The following NPAS2 variants were observed in gnomAD, a reference collection of about 807,000 sequenced individuals.
The protein encoded by NPAS2 is neuronal PAS domain protein 2, also known as neuronal PAS domain-containing protein 2.
Under a neutral mutation model 107.5 loss-of-function variants are expected in NPAS2, and 23 were observed. That is an observed-to-expected ratio of 0.21 (90% CI 0.15 to 0.30). The LOEUF is 0.30. NPAS2 is among the 10% of genes least tolerant of loss of function. NPAS2 has a pLI of 1.00. For synonymous variants in NPAS2, 403 were observed against 417.5 expected (o/e 0.97, Z 0.42); for missense variants, 756 against 1,043.3 (o/e 0.72, Z 3.79).
At chr2:100,840,054 A>G (rs951340416) in intron 1 of NPAS2, among the ~76,000 whole-genome samples, 1 of 152,140 alleles carries the variant, frequency 6.6e-6, no homozygotes, top group African/African-American at 2.4e-5. Context: ...TGTTAGTGGC[A>G]TTACTCCGTT....
intron 7 of NPAS2, among the ~76,000 whole-genome samples, chr2:100,954,816 G>T (rs980314850): frequency 6.7e-6 from 1 of 148,964 alleles, no homozygotes; most frequent in Non-Finnish European, 1.5e-5. Flanking sequence ...ATAATAATAG[G>T]TAATATGTGT....
At chr2:100,937,212 T>C (rs1016598973) in intron 4 of NPAS2, among the ~76,000 whole-genome samples, 6 of 152,154 alleles carry the variant, frequency 3.9e-5, no homozygotes, top group African/African-American at 1.4e-4. Context: ...AATGTGAATG[T>C]TCTTTACAAA....
At chr2:100,940,231 G>A (rs1292105291) in intron 5 of NPAS2, among the ~76,000 whole-genome samples, 1 of 152,212 alleles carries the variant, frequency 6.6e-6, no homozygotes. Context: ...GGCCCAGGCA[G>A]TGAGAGGCAC....
At chr2:100,990,158 C>G in intron 17 of NPAS2, 98 bp from the exon 18 acceptor site, 2 of 1,054,828 alleles carry the variant, frequency 1.9e-6, no homozygotes, top group Non-Finnish European at 2.9e-6. Flanking sequence ...AGAGGAAAGG[C>G]AAGGGTAGGT....
At chr2:100,850,011 T>TAAAAAAA (rs58359292) in intron 1 of NPAS2, among the ~76,000 whole-genome samples, 52 of 56,194 alleles carry the variant, frequency 9.3e-4, no homozygotes, top group African/African-American at 3.9e-3. Context: ...ACTCTTTTTG[T>TAAAAAAA]AAAAAAAAAA....
chr2:100,822,870 T>A (rs1033874970), intron 1 of NPAS2: 1 of 152,234 alleles, frequency 6.6e-6, no homozygotes, highest in African/African-American at 2.4e-5. Flanking sequence ...GCCAACGGTT[T>A]AATTGGCTGC....
rs1676156805 is a variant in NPAS2, at chr2:100,965,407, C to T, written c.801-253C>T. Among the ~76,000 whole-genome samples the T allele has an allele frequency of 6.6e-6, 1 of 152,070 alleles. No homozygotes were observed. On this transcript the variant is annotated intron_variant, in intron 9 of 20. Coordinates refer to ENST00000335681, the MANE Select transcript of NPAS2 (RefSeq NM_002518.4). This position sits in a 1 kb window ranked among gnomAD's most constrained non-coding sequence, Gnocchi z 4.3. Reference sequence around the variant, plus strand: ...CAATTTGTAGCTGTTTTTAATTACCCAGTAGTGATAAAGCTTATTGTTATT... The same window carrying T: ...CAATTTGTAGCTGTTTTTAATTACCTAGTAGTGATAAAGCTTATTGTTATT...
At chr2:100,849,921 AAAAC>A (rs924462554) in intron 1 of NPAS2, among the ~76,000 whole-genome samples, 1 of 151,948 alleles carries the variant, frequency 6.6e-6, no homozygotes, top group African/African-American at 2.4e-5. Context: ...GACTTTTTCA[AAAAC>A]AAACAAAATG....
intron 16 of NPAS2, 106 bp from the exon 17 acceptor site, chr2:100,987,973 A>C (rs1204303053): frequency 3.4e-6 from 4 of 1,185,234 alleles, no homozygotes; most frequent in Non-Finnish European, 4.9e-6. Context: ...ATTTCTAGGC[A>C]GCTCAGAGCA....
intron 1 of NPAS2, among the ~76,000 whole-genome samples, chr2:100,860,911 G>A (rs897438863): frequency 1.3e-5 from 2 of 151,712 alleles, no homozygotes; most frequent in Non-Finnish European, 1.5e-5. Flanking sequence ...TTTGTGTTTT[G>A]AGACAGGGTC....
Position 100,836,659 on chromosome 2 carries a change from C to A in NPAS2, c.-23+16245C>A, listed in dbSNP as rs907556455. Among the ~76,000 whole-genome samples the A allele has an allele frequency of 3.9e-5, 6 of 152,250 alleles. No homozygotes were observed. The East Asian group carries it at 1.2e-3, about 29-fold the overall frequency. ...CAGGGGTGGCTCTACCGAGTGAATG[C>A]CCTTCTTCTTTCTTCCGTACGCACG... On this transcript the variant is annotated intron_variant, in intron 1 of 20. Transcript: ENST00000335681.
chr2:100,995,352 A>G, intron 20 of NPAS2, 48 bp from the exon 21 acceptor site: 1 of 1,531,420 alleles, frequency 6.5e-7, no homozygotes. Context: ...ACAGTTGAGG[A>G]GCGGACATCA....
intron 1 of NPAS2, chr2:100,847,032 A>G (rs1041722370): frequency 1.3e-5 from 2 of 152,210 alleles, no homozygotes; most frequent in Non-Finnish European, 2.9e-5. Flanking sequence ...CACTTACTCT[A>G]TAGATGCTTT....
At position 100,993,280 on chromosome 2, in the gene NPAS2, G is replaced by T. The variant is rs565995320; in HGVS notation, c.2112-67G>T. ...CTTATTTGTTTTTTCTTTGTTGCTC[G>T]TGCTTTTGGTGTCGTATCAATACTG... On this transcript the variant is annotated intron_variant, in intron 19 of 20. Coordinates refer to ENST00000335681, the MANE Select transcript of NPAS2 (RefSeq NM_002518.4). The T allele has an allele frequency of 1.4e-6, 2 of 1,396,578 alleles. No individual in the cohort carries two copies. Among genetic ancestry groups the T allele is most frequent in the Non-Finnish European group, 1.9e-6 (2 of 1,041,496 alleles). 86.5% of individuals were successfully genotyped at this position (1,396,578 alleles called of 1,614,324 possible).
intron 1 of NPAS2, among the ~76,000 whole-genome samples, chr2:100,899,223 CTTT>C (rs368357697): frequency 5.2e-5 from 7 of 133,676 alleles, no homozygotes; most frequent in Admixed American, 7.5e-5. Context: ...TTATGGACTT[CTTT>C]TTTTTTTTTT....
intron 3 of NPAS2, among the ~76,000 whole-genome samples, chr2:100,926,313 A>T (rs905307048): frequency 1.3e-5 from 2 of 152,232 alleles, no homozygotes; most frequent in Non-Finnish European, 2.9e-5. Flanking sequence ...GAATTGCTGC[A>T]TTAAATGGTA....
rs1307603544 is a variant in NPAS2 at position 100,995,753 on chromosome 2, G to A, written c.*171G>A. The stretch of plus-strand genomic sequence containing the variant: ...TCTGGAGTGCAGCGCTTGCTGCAGT[G>A]GAAATGATCAGGAATACTGACCGTG... On this transcript the variant is annotated 3_prime_UTR_variant, in exon 21 of 21. Coordinates refer to ENST00000335681, the MANE Select transcript of NPAS2 (RefSeq NM_002518.4). 1.3e-6 allele frequency: 2 copies of A among 1,549,582 alleles called. No individual in the cohort carries two copies. Among genetic ancestry groups the A allele is most frequent in the Admixed American group, 2.0e-5 (1 of 51,004 alleles).
intron 1 of NPAS2, among the ~76,000 whole-genome samples, chr2:100,836,433 CAG>C (rs890750681): frequency 1.4e-4 from 22 of 152,124 alleles, no homozygotes; most frequent in African/African-American, 4.8e-4. Flanking sequence ...TATATCATTT[CAG>C]AGAGTTCTAG....
chr2:100,991,073 C>T (rs531995078), intron 19 of NPAS2, among the ~76,000 whole-genome samples: 1 of 152,344 alleles, frequency 6.6e-6, no homozygotes, highest in Admixed American at 6.5e-5. Flanking sequence ...AAACTCAGCG[C>T]TCCATGCTTA....
Sources: allele counts gnomAD v4.1 joint callset (sites outside exome capture counted in the v4.1 genomes callset), GRCh38; gene constraint gnomAD v4.1.1; non-coding constraint Gnocchi (gnomAD v3.1); transcripts MANE v1.5; gene names NCBI Gene and HGNC (gene_info 2026-07-23, HGNC 2026-07-21).